The following RORA variants were observed in gnomAD, a reference collection of about 807,000 sequenced individuals.
RORA encodes RAR related orphan receptor A.
A neutral mutation model predicts 69.5 loss-of-function variants in RORA; 7 were observed. That is an observed-to-expected ratio of 0.10 (90% CI 0.06 to 0.19). RORA has a LOEUF of 0.19. Among genes scored for constraint, RORA ranks in the 10% least tolerant of loss-of-function variants. RORA has a pLI of 1.00. For missense variants in RORA, 457 were observed against 663.0 expected (o/e 0.69, Z 3.41); for synonymous variants, 261 against 240.8 (o/e 1.08, Z -0.78).
chr15:60,891,523 G>T (rs2073812638), intron 1 of RORA, among the ~76,000 whole-genome samples: 1 of 152,184 alleles, frequency 6.6e-6, no homozygotes, highest in Admixed American at 6.5e-5. Context: ...TCAGAGCCAG[G>T]AACAGTAGAA....
chr15:60,691,370 C>A (rs548910224), intron 1 of RORA, among the ~76,000 whole-genome samples: 1 of 152,314 alleles, frequency 6.6e-6, no homozygotes, highest in Non-Finnish European at 1.5e-5. Flanking sequence ...AGGGACTTCC[C>A]ATCCTTGGTA....
At chr15:60,982,857 T>TTATAG (rs1894087648) in intron 1 of RORA, among the ~76,000 whole-genome samples, 1 of 152,202 alleles carries the variant, frequency 6.6e-6, no homozygotes, top group African/African-American at 2.4e-5. Flanking sequence ...TTTCTAGCTT[T>TTATAG]TATAGAAGGG....
intron 1 of RORA, among the ~76,000 whole-genome samples, chr15:60,724,003 T>C (rs960592436): frequency 1.3e-5 from 2 of 152,214 alleles, no homozygotes; most frequent in Non-Finnish European, 2.9e-5. Context: ...CCCTTAAGGC[T>C]TAGCAAATGT....
rs532120358 is a variant in RORA, at chr15:60,921,318, A to T, written c.167-242632T>A. On this transcript the variant is annotated intron_variant, in intron 1 of 10. Coordinates refer to ENST00000335670, the MANE Select transcript of RORA (RefSeq NM_134261.3). ...TAACAGAATGGATCAATCATGGCACATTTCTACCGTGGAACACTACATAGC... is the reference window on the plus strand; with the variant it reads ...TAACAGAATGGATCAATCATGGCACTTTTCTACCGTGGAACACTACATAGC... 1.1e-4 allele frequency among the ~76,000 whole-genome samples: 16 copies of T among 152,316 alleles called. 1 individual carries two copies. Among genetic ancestry groups the T allele is most frequent in the African/African-American group, 3.9e-4 (16 of 41,554 alleles).
intron 1 of RORA, among the ~76,000 whole-genome samples, chr15:60,956,808 A>C (rs910863164): frequency 6.6e-6 from 1 of 152,230 alleles, no homozygotes; most frequent in Non-Finnish European, 1.5e-5. Flanking sequence ...TTCAATTATC[A>C]GTACATACCA....
chr15:61,038,060 A>T (rs993968616), intron 1 of RORA, among the ~76,000 whole-genome samples: 8 of 151,850 alleles, frequency 5.3e-5, no homozygotes, highest in Non-Finnish European at 1.0e-4. Flanking sequence ...CATCGCATTT[A>T]AAAAAAAACC....
chr15:61,009,451 C>T (rs1452972729), intron 1 of RORA, among the ~76,000 whole-genome samples: 1 of 152,194 alleles, frequency 6.6e-6, no homozygotes, highest in African/African-American at 2.4e-5. Flanking sequence ...TGAAAGATGT[C>T]CACCTTGATT....
At chr15:60,761,103 G>T (rs1432533094) in intron 1 of RORA, among the ~76,000 whole-genome samples, 1 of 152,112 alleles carries the variant, frequency 6.6e-6, no homozygotes, top group Non-Finnish European at 1.5e-5. Context: ...AGGGAGGAGA[G>T]GGAGGAGTTG....
chr15:61,040,191 C>T (rs1249882956), intron 1 of RORA, among the ~76,000 whole-genome samples: 2 of 119,046 alleles, frequency 1.7e-5, no homozygotes, highest in Non-Finnish European at 3.3e-5. Flanking sequence ...CATTATAGTG[C>T]CACTTTCTAT....
chr15:60,874,065 A>G (rs1309137822), intron 1 of RORA, among the ~76,000 whole-genome samples: 2 of 152,212 alleles, frequency 1.3e-5, no homozygotes, highest in Non-Finnish European at 2.9e-5. Context: ...AAAAACCTAC[A>G]ACAGCTGTTT....
intron 1 of RORA, among the ~76,000 whole-genome samples, chr15:60,994,546 C>T (rs183090666): frequency 5.6e-4 from 86 of 152,328 alleles, no homozygotes; most frequent in African/African-American, 1.9e-3. Context: ...CCATCTCTGC[C>T]TTTCCCTGCT....
At chr15:60,558,225 A>G (rs201081783) in intron 2 of RORA, 3 of 1,607,658 alleles carry the variant, frequency 1.9e-6, no homozygotes, top group African/African-American at 2.7e-5. Flanking sequence ...ATTCACTTAC[A>G]CAGACGCCAG....
At chr15:61,132,443 G>A (rs149432361) in intron 1 of RORA, among the ~76,000 whole-genome samples, 51 of 152,062 alleles carry the variant, frequency 3.4e-4, no homozygotes, top group African/African-American at 1.2e-3. Flanking sequence ...GATTTTATAG[G>A]CATTACATAT....
chr15:60,660,825 A>G (rs182012507), intron 2 of RORA, among the ~76,000 whole-genome samples: 47 of 152,348 alleles, frequency 3.1e-4, no homozygotes, highest in Admixed American at 2.7e-3. Context: ...TCAAGATGTC[A>G]GAGTGGCTAT....
At chr15:60,656,253 A>G (rs1397300830) in intron 2 of RORA, among the ~76,000 whole-genome samples, 1 of 152,196 alleles carries the variant, frequency 6.6e-6, no homozygotes, top group Non-Finnish European at 1.5e-5. Flanking sequence ...ACAGCCAGGA[A>G]ACAGCAGGCT....
intron 3 of RORA, chr15:60,530,374 C>G (rs933520569): frequency 2.0e-5 from 3 of 152,250 alleles, no homozygotes; most frequent in Admixed American, 2.0e-4. Flanking sequence ...TCACTGTAAC[C>G]TTGAACTCCT....
At chr15:60,962,258 A>G (rs1213739911) in intron 1 of RORA, among the ~76,000 whole-genome samples, 1 of 152,206 alleles carries the variant, frequency 6.6e-6, no homozygotes, top group East Asian at 1.9e-4. Context: ...GCACAGACCG[A>G]GCGTAAGCCT....
intron 1 of RORA, among the ~76,000 whole-genome samples, chr15:61,022,369 C>T (rs887677967): frequency 3.9e-5 from 6 of 152,090 alleles, no homozygotes; most frequent in Non-Finnish European, 7.4e-5. Context: ...GAACGGGGCA[C>T]GGCAATTGTG....
chr15:61,032,713 G>A (rs1382808079), intron 1 of RORA, among the ~76,000 whole-genome samples: 1 of 152,100 alleles, frequency 6.6e-6, no homozygotes, highest in Non-Finnish European at 1.5e-5. Flanking sequence ...ACCTATTCCT[G>A]CCCTGGCTTC....
Sources: gnomAD v4.1 joint callset for allele counts (sites outside exome capture counted in the v4.1 genomes callset) on GRCh38, gnomAD v4.1.1 for gene constraint, MANE v1.5 for transcripts, NCBI Gene and HGNC (gene_info 2026-07-23, HGNC 2026-07-21) for gene names.